The following EXOC6B variants were observed in gnomAD, a reference collection of about 807,000 sequenced individuals.
EXOC6B encodes SEC15 homolog B.
EXOC6B carries 54 observed loss-of-function variants against 113.5 expected under a neutral mutation model. The observed-to-expected ratio is 0.48, with a 90% CI of 0.38 to 0.60. The LOEUF (loss-of-function observed/expected upper bound fraction) is 0.60. EXOC6B is among the 20% of genes least tolerant of loss of function. EXOC6B has a pLI of 0.00. For missense variants in EXOC6B, 797 were observed against 977.5 expected (o/e 0.82, Z 2.46); for synonymous variants, 357 against 339.0 (o/e 1.05, Z -0.58).
chr2:72,218,901 G>A (rs552687636), intron 20 of EXOC6B, among the ~76,000 whole-genome samples: 47 of 151,362 alleles, frequency 3.1e-4, no homozygotes, highest in African/African-American at 1.1e-3. Context: ...GCCCACCTTG[G>A]CCTCCCAAAG....
rs112099865 is a variant in EXOC6B, at chr2:72,388,756, G to A, written c.1981-8886C>T. On this transcript the variant is annotated intron_variant, in intron 18 of 21. Coordinates refer to ENST00000272427, the MANE Select transcript of EXOC6B (RefSeq NM_015189.3). ...GATTTGTTATTGAGTGCAGACACACGGTTGTAATGTCTTCTTGATTAATTG... is the reference window on the plus strand; with the variant it reads ...GATTTGTTATTGAGTGCAGACACACAGTTGTAATGTCTTCTTGATTAATTG... 5.9e-5 allele frequency among the ~76,000 whole-genome samples: 9 copies of A among 152,194 alleles called. 1 individual carries two copies. Among genetic ancestry groups the A allele is most frequent in the East Asian group, 1.9e-4 (1 of 5,188 alleles).
In EXOC6B at chr2:72,216,704, T is replaced by C. The variant is rs575215149; in HGVS notation, c.2197-32517A>G. Among the ~76,000 whole-genome samples, 4 of 152,224 alleles carry C rather than the reference T, an allele frequency of 2.6e-5. No individual in the cohort carries two copies. In the South Asian group the frequency reaches 6.2e-4, roughly 24 times the overall value. On this transcript the variant is annotated intron_variant, in intron 20 of 21. Transcript: ENST00000272427. ...AAGAAAATGTGGTACATATACACCA[T>C]GGAAAACTATGCAGTCATAAAAAGG...
At chr2:72,292,420 TA>T (rs1415540154) in intron 20 of EXOC6B, among the ~76,000 whole-genome samples, 1 of 152,104 alleles carries the variant, frequency 6.6e-6, no homozygotes, top group African/African-American at 2.4e-5. Context: ...CCCCTGATGA[TA>T]ATACCTCATA....
chr2:72,601,592 T>C (rs896229044), intron 6 of EXOC6B, among the ~76,000 whole-genome samples: 2 of 152,182 alleles, frequency 1.3e-5, no homozygotes, highest in African/African-American at 4.8e-5. Context: ...ACAGACACTT[T>C]GGCAGTTTCA....
At chr2:72,528,418 C>T (rs1701838623) in intron 8 of EXOC6B, among the ~76,000 whole-genome samples, 1 of 152,070 alleles carries the variant, frequency 6.6e-6, no homozygotes. Context: ...TCTGCCAATA[C>T]CATGCCATCT....
At chr2:72,274,050 G>T (rs548198029) in intron 20 of EXOC6B, among the ~76,000 whole-genome samples, 1 of 152,234 alleles carries the variant, frequency 6.6e-6, no homozygotes, top group South Asian at 2.1e-4. Flanking sequence ...ATGAGGGAAG[G>T]CTTCACAGGA....
At chr2:72,824,911 A>G (rs1210609241) in intron 1 of EXOC6B, among the ~76,000 whole-genome samples, 1 of 152,114 alleles carries the variant, frequency 6.6e-6, no homozygotes, top group Non-Finnish European at 1.5e-5. Context: ...TGAGTCCCCC[A>G]CTTTATTTTC....
rs1285179621 is a variant in EXOC6B at position 72,177,835 on chromosome 2, G to A, written c.*1500C>T. The A allele has an allele frequency of 6.6e-6, 1 of 152,172 alleles. No individual in the cohort carries two copies. The highest frequency in any genetic ancestry group is 1.5e-5 in the Non-Finnish European group (1 of 68,044). 9.4% of individuals were successfully genotyped at this position (152,172 alleles called of 1,614,324 possible). On this transcript the variant is annotated 3_prime_UTR_variant, in exon 22 of 22. Coordinates refer to ENST00000272427, the MANE Select transcript of EXOC6B (RefSeq NM_015189.3). ...AATCCAAGCTGGAAATGCCTGTGTG[G>A]CTTATTTGTCATTGTTTGGTGATGC...
chr2:72,330,709 GA>G (rs1334592136), intron 20 of EXOC6B, among the ~76,000 whole-genome samples: 1 of 152,018 alleles, frequency 6.6e-6, no homozygotes, highest in African/African-American at 2.4e-5. Flanking sequence ...AGCTCAACTA[GA>G]GTGTAAATTG....
chr2:72,817,099 C>T (rs1440517926), intron 1 of EXOC6B, among the ~76,000 whole-genome samples: 1 of 151,942 alleles, frequency 6.6e-6, no homozygotes, highest in Admixed American at 6.6e-5. Context: ...TAACATTATC[C>T]ACCCCTTTTT....
chr2:72,354,864 G>C (rs1191591653), intron 19 of EXOC6B, among the ~76,000 whole-genome samples: 1 of 152,230 alleles, frequency 6.6e-6, no homozygotes, highest in African/African-American at 2.4e-5. Context: ...CAGAGCTTTT[G>C]TACTGCCTAT....
intron 20 of EXOC6B, among the ~76,000 whole-genome samples, chr2:72,265,975 G>A (rs1293489939): frequency 6.6e-6 from 1 of 151,930 alleles, no homozygotes; most frequent in East Asian, 1.9e-4. Flanking sequence ...ATCTCATTGT[G>A]GTTTTGATTT....
intron 1 of EXOC6B, among the ~76,000 whole-genome samples, chr2:72,778,222 C>T (rs1005650345): frequency 3.9e-5 from 6 of 152,022 alleles, no homozygotes; most frequent in African/African-American, 1.2e-4. Context: ...CAACATGATC[C>T]AACTGTAAGC....
At chr2:72,340,961 T>C (rs889043807) in intron 19 of EXOC6B, among the ~76,000 whole-genome samples, 3 of 151,674 alleles carry the variant, frequency 2.0e-5, no homozygotes, top group African/African-American at 7.3e-5. Context: ...GGCCAGAACA[T>C]AAGGAAGTAA....
chr2:72,560,488 T>C (rs534122991), intron 7 of EXOC6B, among the ~76,000 whole-genome samples: 8 of 152,104 alleles, frequency 5.3e-5, no homozygotes, highest in Non-Finnish European at 1.2e-4. Context: ...TGATTCATAA[T>C]TACAAGGTCA....
At chr2:72,746,481 T>C (rs1573730158) in intron 1 of EXOC6B, among the ~76,000 whole-genome samples, 1 of 152,026 alleles carries the variant, frequency 6.6e-6, no homozygotes, top group East Asian at 1.9e-4. Flanking sequence ...AGCTCTAGAT[T>C]TCATAATGAT....
intron 20 of EXOC6B, among the ~76,000 whole-genome samples, chr2:72,189,733 C>T (rs1235486704): frequency 1.3e-5 from 2 of 150,504 alleles, no homozygotes; most frequent in African/African-American, 4.9e-5. Flanking sequence ...CCCTCCCCTC[C>T]CCTCCCCTTC....
chr2:72,820,105 T>G (rs1686496870), intron 1 of EXOC6B, among the ~76,000 whole-genome samples: 1 of 152,126 alleles, frequency 6.6e-6, no homozygotes, highest in Admixed American at 6.5e-5. Context: ...CATCCCCATA[T>G]TCACTTATCA....
chr2:72,821,735 T>C (rs912049489), intron 1 of EXOC6B, among the ~76,000 whole-genome samples: 7 of 152,116 alleles, frequency 4.6e-5, no homozygotes, highest in Admixed American at 1.3e-4. Flanking sequence ...TTATACAAAA[T>C]GTCCCGATGT....
Sources: allele counts gnomAD v4.1 joint callset (sites outside exome capture counted in the v4.1 genomes callset), GRCh38; gene constraint gnomAD v4.1.1; transcripts MANE v1.5; gene names NCBI Gene and HGNC (gene_info 2026-07-23, HGNC 2026-07-21).